ST6GALNAC2: variants seen among roughly 807,000 people sequenced by gnomAD.
ST6GALNAC2 encodes alpha-N-acetylgalactosaminide alpha-2,6-sialyltransferase 2.
A neutral mutation model predicts 38.7 loss-of-function variants in ST6GALNAC2; 42 were observed. The ratio of observed to expected loss-of-function variants is 1.09; its 90% confidence interval spans 0.85 to 1.40. The LOEUF (loss-of-function observed/expected upper bound fraction) is 1.40, where lower values mean the gene tolerates loss of function less well. ST6GALNAC2 is among the 40% of genes most tolerant of loss of function. ST6GALNAC2 has a pLI of 0.00. For missense variants in ST6GALNAC2, 506 were observed against 481.7 expected (o/e 1.05, Z -0.47); for synonymous variants, 233 against 209.0 (o/e 1.11, Z -0.99).
At chr17:76,584,841 G>T (rs1443728747) in intron 1 of ST6GALNAC2, among the ~76,000 whole-genome samples, 1 of 152,262 alleles carries the variant, frequency 6.6e-6, no homozygotes. Context: ...GCTGGGGCTG[G>T]AGGCCTCTCC....
chr17:76,571,327 C>T (rs758263581), intron 5 of ST6GALNAC2: 2 of 152,316 alleles, frequency 1.3e-5, no homozygotes, highest in African/African-American at 4.8e-5. Flanking sequence ...GGCGCGGTGG[C>T]TTACGCCTAT....
At chr17:76,580,723 A>G (rs112729654) in intron 1 of ST6GALNAC2, among the ~76,000 whole-genome samples, 45 of 115,284 alleles carry the variant, frequency 3.9e-4, no homozygotes, top group Non-Finnish European at 8.8e-4. Flanking sequence ...CCATCTCAAA[A>G]AAAAAAAGAG....
rs150475742 is a variant in ST6GALNAC2, at chr17:76,574,408, G to A, written c.318C>T (p.Ser106=). 8.1e-6 allele frequency: 13 copies of A among 1,613,708 alleles called. No homozygotes were observed. In the African/African-American group the frequency reaches 1.7e-4, roughly 22 times the overall value. The change falls in exon 3 of 9, where the codon AGC becomes AGT. Residue 106 remains serine, a synonymous_variant. Transcript: ENST00000225276. ...GCCAGCCATACGGGGCTTTGTGTTG[G>A]CTCAGGCGGTCCCAGAGCGCTGGGG... ...LFTPALWDRL[S]QHKAPYGWRG...
intron 1 of ST6GALNAC2, among the ~76,000 whole-genome samples, chr17:76,585,065 A>G (rs1289499407): frequency 6.6e-6 from 1 of 152,174 alleles, no homozygotes; most frequent in Non-Finnish European, 1.5e-5. Flanking sequence ...GGGGAGGAGA[A>G]CGCGGATGGA....
At chr17:76,577,638 C>T (rs1298959905) in intron 2 of ST6GALNAC2, among the ~76,000 whole-genome samples, 1 of 148,226 alleles carries the variant, frequency 6.7e-6, no homozygotes, top group Non-Finnish European at 1.5e-5. Context: ...TGCAGTGGCA[C>T]GATCTCAGCT....
chr17:76,572,506 C>G (rs2075363302), intron 5 of ST6GALNAC2, 131 bp downstream of exon 5: 1 of 1,086,412 alleles, frequency 9.2e-7, no homozygotes, highest in Admixed American at 2.4e-5. Context: ...CTGTATCTTG[C>G]ATCCAGAATC....
chr17:76,569,084 G>C (rs1298729323), intron 6 of ST6GALNAC2: 2 of 151,152 alleles, frequency 1.3e-5, no homozygotes, highest in Non-Finnish European at 2.4e-5. Context: ...TGGGGGTGGT[G>C]GGGGGGCGGG....
intron 2 of ST6GALNAC2, among the ~76,000 whole-genome samples, chr17:76,577,276 C>A (rs1168980426): frequency 6.6e-6 from 1 of 151,384 alleles, no homozygotes; most frequent in Non-Finnish European, 1.5e-5. Flanking sequence ...CCATGTTGAC[C>A]AGGCTGGTCT....
intron 6 of ST6GALNAC2, 126 bp downstream of exon 6, chr17:76,570,439 G>A (rs1342298652): frequency 4.7e-6 from 3 of 635,630 alleles, no homozygotes; most frequent in African/African-American, 3.7e-5. Flanking sequence ...AATTCTTAGG[G>A]CTGTTCTTAC....
At chr17:76,569,195 T>C in intron 6 of ST6GALNAC2, 1 of 91,964 alleles carries the variant, frequency 1.1e-5, no homozygotes, top group Admixed American at 2.6e-4. Context: ...AGTGGTGCTG[T>C]GGGGGGCTGG....
chr17:76,584,235 C>T (rs1243517663), intron 1 of ST6GALNAC2, among the ~76,000 whole-genome samples: 8 of 144,604 alleles, frequency 5.5e-5, no homozygotes, highest in African/African-American at 1.8e-4. Context: ...CTGTATTGCC[C>T]AGGCTGGAGT....
intron 1 of ST6GALNAC2, among the ~76,000 whole-genome samples, chr17:76,581,798 C>T (rs1349522553): frequency 1.3e-5 from 2 of 152,192 alleles, no homozygotes; most frequent in Non-Finnish European, 2.9e-5. Flanking sequence ...AGGAGGTATA[C>T]AGACCATGTG....
intron 1 of ST6GALNAC2, among the ~76,000 whole-genome samples, chr17:76,584,246 G>A (rs571716844): frequency 3.8e-4 from 56 of 146,184 alleles, no homozygotes; most frequent in African/African-American, 1.4e-3. Flanking sequence ...AGGCTGGAGT[G>A]CAGTGGCGCG....
chr17:76,573,964 C>A lies in ST6GALNAC2; in HGVS notation c.361+401G>T, dbSNP rs1189687318. On this transcript the variant is annotated intron_variant, in intron 3 of 8. Transcript: ENST00000225276. This position sits in a 1 kb window ranked among gnomAD's most constrained non-coding sequence, Gnocchi z 5.1. The stretch of plus-strand genomic sequence containing the variant: ...ACTGTATATTGCAAAAGAAAAGAAT[C>A]GGAGGCCTGTGGGGGTTTGGGTGCA... 1.3e-5 allele frequency among the ~76,000 whole-genome samples: 2 copies of A among 151,880 alleles called. No homozygotes were observed. The highest frequency in any genetic ancestry group is 2.9e-5 in the Non-Finnish European group (2 of 67,992).
intron 8 of ST6GALNAC2, among the ~76,000 whole-genome samples, chr17:76,567,093 A>G (rs2120886): frequency 0.45 from 68,600 of 152,056 alleles, 17,604 homozygotes; most frequent in East Asian, 0.77. Flanking sequence ...TATTTGGCCC[A>G]GTATGTTGAG....
At chr17:76,585,104 C>T (rs1390978985) in intron 1 of ST6GALNAC2, among the ~76,000 whole-genome samples, 1 of 152,318 alleles carries the variant, frequency 6.6e-6, no homozygotes, top group Middle Eastern at 3.4e-3. Flanking sequence ...TTCCCTCGGG[C>T]GCCCGCCTCT....
Position 76,565,915 on chromosome 17 carries a change from G to A in ST6GALNAC2, c.*189C>T. Reference sequence around the variant, plus strand: ...GATGTATTGTTTTAGATACAGAAGAGTTCTTGGATGAGCCAAGGACAAGCT... The same window carrying A: ...GATGTATTGTTTTAGATACAGAAGAATTCTTGGATGAGCCAAGGACAAGCT... On this transcript the variant is annotated 3_prime_UTR_variant, in exon 9 of 9. Transcript: ENST00000225276. 1 of 592,574 alleles carries A rather than the reference G, an allele frequency of 1.7e-6. No individual in the cohort carries two copies. The highest frequency in any genetic ancestry group is 2.3e-5 in the South Asian group (1 of 44,368). 36.7% of individuals were successfully genotyped at this position (592,574 alleles called of 1,614,324 possible).
At chr17:76,585,577 G>T in intron 1 of ST6GALNAC2, 107 bp downstream of exon 1, 1 of 1,281,266 alleles carries the variant, frequency 7.8e-7, no homozygotes. Flanking sequence ...GGGTCCACGC[G>T]GAGGTTGGGC....
chr17:76,572,636 C>T lies in ST6GALNAC2; in HGVS notation c.669+1G>A. ...AATGGCATGCCCGCCAGAGGCCTCA[C>T]CTGTCCTTGTGGCACGGAGGTGAAG... On this transcript the variant is annotated splice_donor_variant, in intron 5 of 8. Transcript: ENST00000225276. LOFTEE classifies it high-confidence loss of function. 1 of 1,614,018 alleles carries T rather than the reference C, an allele frequency of 6.2e-7. No individual in the cohort carries two copies. The highest frequency in any genetic ancestry group is 8.5e-7 in the Non-Finnish European group (1 of 1,179,998).
Sources: allele counts gnomAD v4.1 joint callset (sites outside exome capture counted in the v4.1 genomes callset), GRCh38; gene constraint gnomAD v4.1.1; non-coding constraint Gnocchi (gnomAD v3.1); transcripts MANE v1.5; gene names NCBI Gene and HGNC (gene_info 2026-07-23, HGNC 2026-07-21).